The following ZUP1 variants were observed in gnomAD, a reference collection of about 807,000 sequenced individuals.
ZUP1 encodes zinc finger-containing ubiquitin peptidase 1.
A neutral mutation model predicts 68.1 loss-of-function variants in ZUP1; 55 were observed. The observed-to-expected ratio is 0.81, with a 90% CI of 0.65 to 1.01. The LOEUF (loss-of-function observed/expected upper bound fraction) is 1.01, where lower values mean the gene tolerates loss of function less well. Ranked by LOEUF, ZUP1 falls within the 50% of genes least tolerant of loss-of-function variation. The pLI, the probability that ZUP1 is intolerant of heterozygous loss-of-function variation, is 0.00. For missense variants in ZUP1, 684 were observed against 674.9 expected, an observed-to-expected ratio of 1.01 and a Z score of -0.15; for synonymous variants, 223 against 221.5, an observed-to-expected ratio of 1.01 and a Z score of -0.06.
intron 9 of ZUP1, among the ~76,000 whole-genome samples, chr6:116,638,957 A>G (rs1247643549): frequency 1.3e-5 from 2 of 152,212 alleles, no homozygotes; most frequent in African/African-American, 4.8e-5. Context: ...GACAGGCGGC[A>G]CCTGGAACAT....
chr6:116,660,414 C>T (rs1776799633), intron 3 of ZUP1: 1 of 180,282 alleles, frequency 5.5e-6, no homozygotes, highest in African/African-American at 2.4e-5. Flanking sequence ...TATAGAATCA[C>T]AATAAAACCA....
At chr6:116,642,869 T>C (rs568076510) in intron 9 of ZUP1, among the ~76,000 whole-genome samples, 16 of 152,234 alleles carry the variant, frequency 1.1e-4, no homozygotes, top group Non-Finnish European at 2.1e-4. Flanking sequence ...ATAAAGGGTA[T>C]TCAATTAGGA....
chr6:116,640,374 G>A (rs1214208787), intron 9 of ZUP1, among the ~76,000 whole-genome samples: 1 of 152,026 alleles, frequency 6.6e-6, no homozygotes, highest in Non-Finnish European at 1.5e-5. Flanking sequence ...GCAACTCCAA[G>A]ACACATAATT....
At chr6:116,661,151 C>T (rs1776827700) in intron 2 of ZUP1, among the ~76,000 whole-genome samples, 1 of 151,960 alleles carries the variant, frequency 6.6e-6, no homozygotes, top group South Asian at 2.1e-4. Flanking sequence ...GCTGGGATTA[C>T]AGGCATGAGC....
rs772538192 is a variant in ZUP1 at position 116,666,959 on chromosome 6, GTCTTT to G, written c.229_233del (p.Lys77GlnfsTer10). 3.3e-4 allele frequency: 540 copies of G among 1,613,660 alleles called. 2 individuals are homozygous for G. The African/African-American group carries it at 6.7e-3, about 20-fold the overall frequency. Reference sequence around the variant, plus strand: ...CTTCCATTCCACACTGTAGGGTGTTGTCTTTCTTGTTATCTGAAGTTCCATATTGT... The same window carrying G: ...CTTCCATTCCACACTGTAGGGTGTTGCTTGTTATCTGAAGTTCCATATTGT... On this transcript the variant is annotated frameshift_variant, in exon 2 of 10. Coordinates refer to ENST00000368576, the MANE Select transcript of ZUP1 (RefSeq NM_145062.3). LOFTEE classifies it high-confidence loss of function.
chr6:116,661,215 C>T (rs142565041), intron 2 of ZUP1, among the ~76,000 whole-genome samples: 1 of 152,032 alleles, frequency 6.6e-6, no homozygotes, highest in East Asian at 1.9e-4. Flanking sequence ...TTTTTTCACC[C>T]CATGTCAAAG....
At chr6:116,637,433 T>C (rs1417650452) in intron 9 of ZUP1, among the ~76,000 whole-genome samples, 1 of 152,124 alleles carries the variant, frequency 6.6e-6, no homozygotes, top group Non-Finnish European at 1.5e-5. Flanking sequence ...TCTTATTATA[T>C]TTATTATTAT....
intron 3 of ZUP1, among the ~76,000 whole-genome samples, chr6:116,659,674 G>A (rs1310242004): frequency 6.6e-6 from 1 of 151,934 alleles, no homozygotes; most frequent in Non-Finnish European, 1.5e-5. Flanking sequence ...GCAGGTGTTA[G>A]ATAATAATTT....
chr6:116,637,369 C>T (rs886997795), intron 9 of ZUP1, among the ~76,000 whole-genome samples: 8 of 151,918 alleles, frequency 5.3e-5, no homozygotes, highest in African/African-American at 1.9e-4. Context: ...ATAAGATAGC[C>T]CATAGTACAG....
chr6:116,665,589 T>C (rs1357974771), intron 2 of ZUP1, among the ~76,000 whole-genome samples: 3 of 133,494 alleles, frequency 2.2e-5, no homozygotes, highest in African/African-American at 8.4e-5. Context: ...TTTTTTTTTT[T>C]GGAGACAGGG....
chr6:116,651,562 A>C lies in ZUP1; in HGVS notation c.1316+10T>G. On this transcript the variant is annotated intron_variant, in intron 7 of 9. Coordinates refer to ENST00000368576, the MANE Select transcript of ZUP1 (RefSeq NM_145062.3). The stretch of plus-strand genomic sequence containing the variant: ...GGAAATAACATTTATTTAGGTTTTA[A>C]GGTACATACTTTACCCTTAGGGAGG... 2 of 1,561,482 alleles carry C rather than the reference A, an allele frequency of 1.3e-6. No individual in the cohort carries two copies. Among genetic ancestry groups the C allele is most frequent in the Non-Finnish European group, 1.7e-6 (2 of 1,155,494 alleles).
chr6:116,651,750 A>C lies in ZUP1; in HGVS notation c.1151-13T>G. 6.2e-7 allele frequency: 1 copy of C among 1,612,404 alleles called. No individual in the cohort carries two copies. Among genetic ancestry groups the C allele is most frequent in the Non-Finnish European group, 8.5e-7 (1 of 1,179,382 alleles). On this transcript the variant is annotated splice_polypyrimidine_tract_variant and intron_variant, in intron 6 of 9. Transcript: ENST00000368576. ...GGAATCAACATACCTAAAATTACAC[A>C]AGCAAACATGTTACATGACTGTTAA...
At chr6:116,663,761 C>T (rs974092893) in intron 2 of ZUP1, among the ~76,000 whole-genome samples, 30 of 151,752 alleles carry the variant, frequency 2.0e-4, no homozygotes, top group African/African-American at 7.0e-4. Flanking sequence ...AGTAACATAG[C>T]AGGACCTCAT....
In ZUP1 at chr6:116,656,785, A is replaced by G; in HGVS notation, c.860T>C (p.Val287Ala). ...AGATGGAGGCATTCTTCCCCTATTT[A>G]CTTCTATCTCCATATTTCGTAGTTG... ...QQQLRNMEIEVNRGRMPPSEF... is the reference protein window; with the variant it reads ...QQQLRNMEIEANRGRMPPSEF... Residue 287 changes from valine to alanine, a missense_variant, in exon 5 of 10, where the codon GTA becomes GCA. By Grantham distance (64) the Val-to-Ala change is moderately conservative. Transcript: ENST00000368576. 1 of 1,610,880 alleles carries G rather than the reference A, an allele frequency of 6.2e-7. No homozygotes were observed. The highest frequency in any genetic ancestry group is 2.2e-5 in the East Asian group (1 of 44,672).
At chr6:116,667,290 T>C (rs1358534184) in intron 1 of ZUP1, 83 bp from the exon 2 acceptor site, 10 of 867,232 alleles carry the variant, frequency 1.2e-5, no homozygotes, top group Non-Finnish European at 1.7e-5. Flanking sequence ...TTACTTGGTC[T>C]TTAACGCTGG....
Position 116,651,617 on chromosome 6 carries a change from A to G in ZUP1, c.1271T>C (p.Ile424Thr), listed in dbSNP as rs960307102. 2 of 1,613,764 alleles carry G rather than the reference A, an allele frequency of 1.2e-6. No individual in the cohort carries two copies. The highest frequency in any genetic ancestry group is 1.7e-6 in the Non-Finnish European group (2 of 1,179,818). The change falls in exon 7 of 10, where the codon ATT becomes ACT. Residue 424 changes from isoleucine to threonine, a missense_variant. Transcript: ENST00000368576. ...NNRLQGTKAW[I>T]GACEVYILLT... ...GAGTATATATACTTCACATGCTCCA[A>G]TCCAGGCCTTTGTTCCCTGTAACCT...
At chr6:116,641,459 T>C (rs990967072) in intron 9 of ZUP1, among the ~76,000 whole-genome samples, 1 of 151,802 alleles carries the variant, frequency 6.6e-6, no homozygotes, top group Non-Finnish European at 1.5e-5. Flanking sequence ...CCTCAGCAAA[T>C]GTAAAAGAAC....
At chr6:116,664,945 T>G (rs1776955158) in intron 2 of ZUP1, among the ~76,000 whole-genome samples, 1 of 151,308 alleles carries the variant, frequency 6.6e-6, no homozygotes, top group Non-Finnish European at 1.5e-5. Context: ...TATAAAACAT[T>G]AAAGTTTTTA....
chr6:116,658,054 T>C (rs926316376), intron 4 of ZUP1, among the ~76,000 whole-genome samples: 1 of 152,118 alleles, frequency 6.6e-6, no homozygotes, highest in Non-Finnish European at 1.5e-5. Context: ...GATTGCACCA[T>C]TGCATTCCAG....
Sources: gnomAD v4.1 joint callset for allele counts (sites outside exome capture counted in the v4.1 genomes callset) on GRCh38, gnomAD v4.1.1 for gene constraint, MANE v1.5 for transcripts, NCBI Gene and HGNC (gene_info 2026-07-23, HGNC 2026-07-21) for gene names.